CCDC102B: variants seen among roughly 807,000 people sequenced by gnomAD.
CCDC102B encodes the protein coiled-coil domain containing 102B.
In CCDC102B, 75 loss-of-function variants were observed where a neutral mutation model predicts 57.4. The observed-to-expected ratio is 1.31, with a 90% CI of 1.08 to 1.58. CCDC102B has a LOEUF of 1.58. Ranked by LOEUF, CCDC102B falls within the 40% of genes most tolerant of loss-of-function variation. The pLI is 0.00. For missense variants in CCDC102B, 636 were observed against 582.6 expected (o/e 1.09, Z -0.94); for synonymous variants, 206 against 201.9 (o/e 1.02, Z -0.17).
intron 6 of CCDC102B, among the ~76,000 whole-genome samples, chr18:69,007,624 C>T (rs888143067): frequency 9.2e-5 from 14 of 152,164 alleles, no homozygotes; most frequent in African/African-American, 3.4e-4. Flanking sequence ...GGCTCGAGCC[C>T]TGAGTTTCAG....
At chr18:68,871,860 TTATTTGG>T (rs1229948594) in intron 4 of CCDC102B, among the ~76,000 whole-genome samples, 1 of 152,114 alleles carries the variant, frequency 6.6e-6, no homozygotes, top group Non-Finnish European at 1.5e-5. Flanking sequence ...TTAAAAAGCT[TTATTTGG>T]TTGCTCTCTT....
intron 5 of CCDC102B, among the ~76,000 whole-genome samples, chr18:68,887,634 C>T (rs1568311969): frequency 2.6e-5 from 4 of 152,142 alleles, no homozygotes; most frequent in Admixed American, 2.6e-4. Context: ...AATATTTTTC[C>T]ACTCCTAGAA....
At chr18:69,015,847 A>T (rs904845202) in intron 7 of CCDC102B, among the ~76,000 whole-genome samples, 6 of 151,740 alleles carry the variant, frequency 4.0e-5, no homozygotes, top group Non-Finnish European at 5.9e-5. Flanking sequence ...ATAATGGCAC[A>T]TTTTTTTATT....
intron 5 of CCDC102B, among the ~76,000 whole-genome samples, chr18:68,879,881 G>T (rs2039612352): frequency 6.6e-6 from 1 of 152,214 alleles, no homozygotes; most frequent in Non-Finnish European, 1.5e-5. Context: ...CCCGGGGCTA[G>T]ACATAAAGGT....
chr18:69,000,022 A>C (rs1216330270), intron 6 of CCDC102B, among the ~76,000 whole-genome samples: 2 of 152,178 alleles, frequency 1.3e-5, no homozygotes, highest in Non-Finnish European at 2.9e-5. Context: ...GTATCAAAGG[A>C]AACTCCATGT....
intron 7 of CCDC102B, among the ~76,000 whole-genome samples, chr18:69,039,296 T>A (rs182816227): frequency 1.3e-5 from 2 of 152,148 alleles, no homozygotes; most frequent in African/African-American, 4.8e-5. Flanking sequence ...TATATAGTTA[T>A]ATCTAACAGT....
intron 6 of CCDC102B, among the ~76,000 whole-genome samples, chr18:68,928,833 G>C (rs535262062): frequency 1.3e-5 from 2 of 151,822 alleles, no homozygotes; most frequent in Non-Finnish European, 2.9e-5. Context: ...TTTTAAAGAG[G>C]GGGGACAATG....
chr18:68,851,553 A>G (rs1281199090), intron 4 of CCDC102B, among the ~76,000 whole-genome samples: 1 of 152,190 alleles, frequency 6.6e-6, no homozygotes, highest in Admixed American at 6.6e-5. Context: ...AGGATAATTT[A>G]TAGGCATTGT....
intron 6 of CCDC102B, among the ~76,000 whole-genome samples, chr18:69,003,694 G>A (rs1246182109): frequency 1.3e-5 from 2 of 152,164 alleles, no homozygotes; most frequent in Admixed American, 1.3e-4. Flanking sequence ...GTATCATGAA[G>A]CAATGTACAT....
chr18:68,793,545 C>T (rs1277108754), upstream of CCDC102B, among the ~76,000 whole-genome samples: 3 of 151,702 alleles, frequency 2.0e-5, no homozygotes, highest in African/African-American at 7.3e-5. Flanking sequence ...ATAACATGTC[C>T]GATTCTGAGA....
intron 2 of CCDC102B, among the ~76,000 whole-genome samples, chr18:68,752,184 C>T (rs745310484): frequency 2.6e-5 from 4 of 151,944 alleles, no homozygotes; most frequent in East Asian, 1.9e-4. Flanking sequence ...CAGTGGAACC[C>T]GGGAAGCAGA....
chr18:68,738,097 A>G (rs497136), intron 2 of CCDC102B, among the ~76,000 whole-genome samples: 151,612 of 152,294 alleles, frequency 1, 75,469 homozygotes, highest in Middle Eastern at 1. Flanking sequence ...ATTGAAGCTC[A>G]TGACTCCCTG....
intron 5 of CCDC102B, among the ~76,000 whole-genome samples, chr18:68,879,060 C>G (rs1264314556): frequency 6.6e-6 from 1 of 151,880 alleles, no homozygotes; most frequent in Non-Finnish European, 1.5e-5. Context: ...TGCAGACCTT[C>G]GCGGTGAGTG....
chr18:68,999,026 AGAGAG>A (rs2051123928), intron 6 of CCDC102B, among the ~76,000 whole-genome samples: 1 of 143,316 alleles, frequency 7.0e-6, no homozygotes. Flanking sequence ...AGAGAGAGAG[AGAGAG>A]AGAGAGTCAT....
chr18:69,044,639 G>A (rs1006587744), intron 7 of CCDC102B, among the ~76,000 whole-genome samples: 1 of 152,140 alleles, frequency 6.6e-6, no homozygotes, highest in African/African-American at 2.4e-5. Context: ...CCTCCGCTGT[G>A]TGAGATAGTT....
intron 6 of CCDC102B, among the ~76,000 whole-genome samples, chr18:68,955,977 C>T (rs1316124318): frequency 6.6e-6 from 1 of 151,852 alleles, no homozygotes; most frequent in African/African-American, 2.4e-5. Context: ...ACTGCAGTCA[C>T]CCTTTTGTGC....
At chr18:69,013,191 C>T (rs1419170377) in intron 7 of CCDC102B, among the ~76,000 whole-genome samples, 1 of 152,022 alleles carries the variant, frequency 6.6e-6, no homozygotes, top group Non-Finnish European at 1.5e-5. Flanking sequence ...ATACTATTCA[C>T]CTACAAACAC....
intron 7 of CCDC102B, among the ~76,000 whole-genome samples, chr18:69,037,576 T>A (rs1599881949): frequency 6.6e-6 from 1 of 152,080 alleles, no homozygotes; most frequent in African/African-American, 2.4e-5. Flanking sequence ...ACTGAGTCAT[T>A]ATTTTCATTG....
intron 6 of CCDC102B, among the ~76,000 whole-genome samples, chr18:68,968,686 G>C (rs1421016581): frequency 2.0e-5 from 3 of 152,032 alleles, no homozygotes; most frequent in Non-Finnish European, 2.9e-5. Context: ...TATACCCACT[G>C]AACAACTCCC....
Sources: allele counts gnomAD v4.1 joint callset (sites outside exome capture counted in the v4.1 genomes callset), GRCh38; gene constraint gnomAD v4.1.1; transcripts MANE v1.5; gene names NCBI Gene and HGNC (gene_info 2026-07-23, HGNC 2026-07-21).